Variants in ANK3 observed in about 807,000 individuals in gnomAD.
The protein encoded by ANK3 is ankyrin 3.
Under a neutral mutation model 370.9 loss-of-function variants are expected in ANK3, and 57 were observed. The ratio of observed to expected loss-of-function variants is 0.15; its 90% CI spans 0.12 to 0.19. The LOEUF (loss-of-function observed/expected upper bound fraction) is 0.19, where lower values mean the gene tolerates loss of function less well. Among genes scored for constraint, ANK3 ranks in the 10% least tolerant of loss-of-function variants. The pLI is 1.00. For missense variants in ANK3, 4,439 were observed against 5,302.1 expected (o/e 0.84, Z 5.06); for synonymous variants, 1,929 against 1,946.3 (o/e 0.99, Z 0.23).
At chr10:60,394,102 C>A (rs1206144734), upstream of ANK3, among the ~76,000 whole-genome samples, 1 of 149,700 alleles carries the variant, frequency 6.7e-6, no homozygotes, top group African/African-American at 2.5e-5. Flanking sequence ...AAGAGATAGT[C>A]AAAATATTTC....
intron 2 of ANK3, among the ~76,000 whole-genome samples, chr10:60,422,332 T>C (rs1010658737): frequency 6.6e-6 from 1 of 152,120 alleles, no homozygotes; most frequent in East Asian, 1.9e-4. Flanking sequence ...GCATCTTCTA[T>C]GTACAAAATT....
At chr10:60,538,934 G>T (rs569718469) in intron 2 of ANK3, among the ~76,000 whole-genome samples, 52 of 151,742 alleles carry the variant, frequency 3.4e-4, no homozygotes, top group African/African-American at 1.2e-3. Flanking sequence ...TTTGTTGTTG[G>T]TTGTCTGCAT....
chr10:60,684,948 G>C, intron 1 of ANK3: 1 of 1,533,694 alleles, frequency 6.5e-7, no homozygotes, highest in Non-Finnish European at 9.0e-7. Flanking sequence ...CAGGAATTGA[G>C]AAATTGTTAG....
intron 2 of ANK3, among the ~76,000 whole-genome samples, chr10:60,530,083 G>T (rs2076569072): frequency 6.6e-6 from 1 of 152,124 alleles, no homozygotes; most frequent in South Asian, 2.1e-4. Flanking sequence ...GCTGGCCTTT[G>T]CCAGAACCCT....
At position 60,076,448 on chromosome 10, in the gene ANK3, A is replaced by G; in HGVS notation, c.4433T>C (p.Ile1478Thr). The change falls in exon 37 of 44, where the codon ATT (isoleucine) becomes ACT (threonine). Residue 1478 changes from isoleucine to threonine, a missense_variant and splice_region_variant. Ile to Thr is a moderately conservative substitution (Grantham distance 89). Transcript: ENST00000280772. ...TCTTGTTGCTCCTGTACTCCGTTCA[A>G]CTGTTTCTTAAATTTTAAAATGAAA... is the stretch of plus-strand genomic sequence containing the variant. The part of the protein sequence containing the change: ...RYSYLTEPGM[I>T]ERSTGATRSL... 6.4e-7 allele frequency: 1 copy of G among 1,558,204 alleles called. No individual in the cohort carries two copies. The highest frequency in any genetic ancestry group is 8.7e-7 in the Non-Finnish European group (1 of 1,153,106).
At chr10:60,236,547 C>T (rs1156674932) in intron 7 of ANK3, among the ~76,000 whole-genome samples, 1 of 152,060 alleles carries the variant, frequency 6.6e-6, no homozygotes, top group Non-Finnish European at 1.5e-5. Context: ...CTGATTGAGT[C>T]CTCATGGGGA....
At chr10:60,030,605 T>C (rs1209018028) in intron 43 of ANK3, among the ~76,000 whole-genome samples, 3 of 152,172 alleles carry the variant, frequency 2.0e-5, no homozygotes, top group Non-Finnish European at 4.4e-5. Flanking sequence ...TTATGTCTCA[T>C]GGCAGGATCC....
chr10:60,579,343 A>G (rs927783123), intron 2 of ANK3, among the ~76,000 whole-genome samples: 8 of 150,854 alleles, frequency 5.3e-5, no homozygotes, highest in Non-Finnish European at 8.9e-5. Context: ...AAAAAAAAAA[A>G]AAAAAAAGAT....
intron 2 of ANK3, among the ~76,000 whole-genome samples, chr10:60,395,592 CTT>C (rs1455175530): frequency 7.9e-6 from 1 of 126,134 alleles, no homozygotes; most frequent in Non-Finnish European, 1.6e-5. Flanking sequence ...TTCTTTCTTT[CTT>C]TCTTTCTTTC....
intron 1 of ANK3, among the ~76,000 whole-genome samples, chr10:60,625,101 C>A (rs762214660): frequency 2.6e-5 from 4 of 152,060 alleles, no homozygotes; most frequent in Non-Finnish European, 5.9e-5. Flanking sequence ...AGAGGACTGG[C>A]GGGCCCTGCT....
At chr10:60,271,094 ATGTATTTCATATCT>A (rs1308780168) in intron 4 of ANK3, among the ~76,000 whole-genome samples, 1 of 152,186 alleles carries the variant, frequency 6.6e-6, no homozygotes, top group Non-Finnish European at 1.5e-5. Flanking sequence ...CTCTAGAATA[ATGTATTTCATATCT>A]ATGAAATACT....
chr10:60,591,497 C>G (rs2077913643), intron 2 of ANK3, among the ~76,000 whole-genome samples: 1 of 151,816 alleles, frequency 6.6e-6, no homozygotes, highest in African/African-American at 2.4e-5. Flanking sequence ...ATCACAACCA[C>G]TATGGAGAAC....
At chr10:60,572,337 A>G in intron 2 of ANK3, 2 of 954,700 alleles carry the variant, frequency 2.1e-6, no homozygotes, top group Non-Finnish European at 3.0e-6. Flanking sequence ...CTGGAAAAAC[A>G]AAAGCATTCA....
chr10:60,032,191 C>CTTTTTTTTTTTTTT (rs1564505236), intron 43 of ANK3, among the ~76,000 whole-genome samples: 5 of 57,932 alleles, frequency 8.6e-5, no homozygotes, highest in African/African-American at 2.5e-4. Context: ...AAATACACAG[C>CTTTTTTTTTTTTTT]TTCTTTTTTT....
In ANK3 at chr10:60,074,965, T is replaced by A. The variant is rs2083455308; in HGVS notation, c.5916A>T (p.Gly1972=). The A allele has an allele frequency of 1.9e-6, 3 of 1,613,926 alleles. No homozygotes were observed. Among genetic ancestry groups the A allele is most frequent in the East Asian group, 2.2e-5 (1 of 44,852 alleles). Residue 1972 remains glycine (G), a synonymous_variant, in exon 37 of 44, where the codon GGA becomes GGT. Transcript: ENST00000280772. The part of the protein sequence containing the change: ...LKKDVCVDNK[G]SPKSPKSDKG... ...TGTCACTCTTTGGTGATTTGGGTGATCCTTTATTATCTACACATACATCCT... is the reference window on the plus strand; with the variant it reads ...TGTCACTCTTTGGTGATTTGGGTGAACCTTTATTATCTACACATACATCCT...
At chr10:60,502,906 C>T (rs1480259796) in intron 2 of ANK3, among the ~76,000 whole-genome samples, 1 of 147,410 alleles carries the variant, frequency 6.8e-6, no homozygotes, top group Non-Finnish European at 1.5e-5. Context: ...GAGAACAAGA[C>T]AGAAAGAAAA....
At chr10:60,582,004 A>C (rs2077761073) in intron 2 of ANK3, among the ~76,000 whole-genome samples, 1 of 152,166 alleles carries the variant, frequency 6.6e-6, no homozygotes, top group Admixed American at 6.5e-5. Context: ...CATCATTCTC[A>C]GCAAACTAAC....
At chr10:60,250,005 A>G (rs989192784) in intron 7 of ANK3, among the ~76,000 whole-genome samples, 1 of 152,240 alleles carries the variant, frequency 6.6e-6, no homozygotes, top group African/African-American at 2.4e-5. Flanking sequence ...TGTGAATTTC[A>G]TATGATGGAC....
chr10:60,125,498 G>A (rs891655353), intron 25 of ANK3, among the ~76,000 whole-genome samples: 1 of 152,228 alleles, frequency 6.6e-6, no homozygotes, highest in African/African-American at 2.4e-5. Context: ...GCACATTGAA[G>A]AGAGAAAGCA....
Sources: allele counts gnomAD v4.1 joint callset (sites outside exome capture counted in the v4.1 genomes callset), GRCh38; gene constraint gnomAD v4.1.1; transcripts MANE v1.5; gene names NCBI Gene and HGNC (gene_info 2026-07-23, HGNC 2026-07-21).